CFAP44: variants seen among roughly 807,000 people sequenced by gnomAD.
CFAP44 encodes cilia and flagella associated protein 44.
A neutral mutation model predicts 216.2 loss-of-function variants in CFAP44; 134 were observed. The ratio of observed to expected loss-of-function variants is 0.62; its 90% CI spans 0.54 to 0.72. The LOEUF is 0.72. CFAP44 is among the 30% of genes least tolerant of loss of function. The pLI, the probability that CFAP44 is intolerant of heterozygous loss-of-function variation, is 0.00. For synonymous variants in CFAP44, 700 were observed against 727.6 expected, an observed-to-expected ratio of 0.96 and a Z score of 0.61; for missense variants, 2,035 against 2,182.1, an observed-to-expected ratio of 0.93 and a Z score of 1.34.
chr3:113,356,989 A>C lies in CFAP44; in HGVS notation c.3065+1756T>G, dbSNP rs563339272. Among the ~76,000 whole-genome samples, 9 of 152,342 alleles carry C rather than the reference A, an allele frequency of 5.9e-5. No individual in the cohort carries two copies. The East Asian group carries it at 1.7e-3, about 29-fold the overall frequency. On this transcript the variant is annotated intron_variant, in intron 22 of 34. Coordinates refer to ENST00000393845, the MANE Select transcript of CFAP44 (RefSeq NM_001164496.2). ...ATAAATAACCAAAAATAACTCATGTATATAAATAACCAAAGCTCATATCCA... is the reference window on the plus strand; with the variant it reads ...ATAAATAACCAAAAATAACTCATGTCTATAAATAACCAAAGCTCATATCCA...
chr3:113,309,738 G>C (rs1052545787), intron 28 of CFAP44, among the ~76,000 whole-genome samples: 5 of 152,114 alleles, frequency 3.3e-5, no homozygotes, highest in African/African-American at 1.2e-4. Flanking sequence ...AAAATGGAGA[G>C]AAGAAAGTAG....
rs145698781 is a variant in CFAP44 at position 113,364,068 on chromosome 3, T to C, written c.2716-536A>G. Among the ~76,000 whole-genome samples, 102 of 152,204 alleles carry C rather than the reference T, an allele frequency of 6.7e-4. 2 individuals carry two copies. The East Asian group carries it at 0.014, about 21-fold the overall frequency. On this transcript the variant is annotated intron_variant, in intron 19 of 34. Coordinates refer to ENST00000393845, the MANE Select transcript of CFAP44 (RefSeq NM_001164496.2). ...AATCCCCCTCCTTGAAAGAGAAAGA[T>C]ATGAAATCAGAAATACAAGTCTCCC...
intron 1 of CFAP44, among the ~76,000 whole-genome samples, chr3:113,436,862 A>G (rs1318361049): frequency 1.3e-5 from 2 of 152,242 alleles, no homozygotes; most frequent in Non-Finnish European, 2.9e-5. Flanking sequence ...ATAAATTACC[A>G]GACATTTAGC....
intron 15 of CFAP44, among the ~76,000 whole-genome samples, chr3:113,393,459 G>A (rs2107351229): frequency 1.3e-5 from 2 of 152,074 alleles, no homozygotes; most frequent in South Asian, 4.2e-4. Flanking sequence ...GAAGGGGGTG[G>A]GTTCTTGTTC....
At chr3:113,301,240 A>G (rs753828126) in intron 32 of CFAP44, among the ~76,000 whole-genome samples, 15 of 152,184 alleles carry the variant, frequency 9.9e-5, no homozygotes, top group Admixed American at 4.6e-4. Flanking sequence ...TCAAAAGGCT[A>G]CATATGATGT....
intron 24 of CFAP44, among the ~76,000 whole-genome samples, chr3:113,341,336 A>T (rs910837477): frequency 2.0e-5 from 3 of 151,244 alleles, no homozygotes; most frequent in African/African-American, 7.3e-5. Flanking sequence ...GCACTCCCAT[A>T]TCAATACTGG....
At chr3:113,367,519 A>G (rs1025393760) in intron 18 of CFAP44, among the ~76,000 whole-genome samples, 1 of 152,358 alleles carries the variant, frequency 6.6e-6, no homozygotes, top group African/African-American at 2.4e-5. Flanking sequence ...ACTAACAAAC[A>G]GAAAGGAATA....
At position 113,291,345 on chromosome 3, in the gene CFAP44, T is replaced by C; in HGVS notation, c.*212A>G. 1 of 522,896 alleles carries C rather than the reference T, an allele frequency of 1.9e-6. No individual in the cohort carries two copies. 32.4% of individuals were successfully genotyped at this position (522,896 alleles called of 1,614,324 possible). ...AGTAGGTTCGAAACATCTAAAATGA[T>C]TCAGTTTCATAACAGAGGTTGGGTG... On this transcript the variant is annotated 3_prime_UTR_variant, in exon 35 of 35. Transcript: ENST00000393845.
intron 32 of CFAP44, among the ~76,000 whole-genome samples, chr3:113,298,153 T>C (rs961833363): frequency 6.6e-6 from 1 of 152,204 alleles, no homozygotes; most frequent in Non-Finnish European, 1.5e-5. Context: ...GTTGCCCTCT[T>C]GCATGGCAGC....
chr3:113,432,317 C>T (rs1276404464), intron 2 of CFAP44: 1 of 152,060 alleles, frequency 6.6e-6, no homozygotes, highest in African/African-American at 2.4e-5. Flanking sequence ...TTCTATAAAC[C>T]CAGATATGCA....
At chr3:113,301,944 A>G (rs1949939473) in intron 32 of CFAP44, among the ~76,000 whole-genome samples, 1 of 152,162 alleles carries the variant, frequency 6.6e-6, no homozygotes, top group Admixed American at 6.6e-5. Flanking sequence ...GCCCACAACC[A>G]CAGACCCTGG....
intron 6 of CFAP44, among the ~76,000 whole-genome samples, chr3:113,412,573 T>C (rs1559940991): frequency 6.6e-6 from 1 of 152,140 alleles, no homozygotes; most frequent in Non-Finnish European, 1.5e-5. Flanking sequence ...CCTCTCTGTG[T>C]CCATGTGTTC....
chr3:113,330,412 G>T lies in CFAP44; in HGVS notation c.3872C>A (p.Ser1291Tyr). The T allele has an allele frequency of 6.5e-7, 1 of 1,537,362 alleles. No homozygotes were observed. The highest frequency in any genetic ancestry group is 8.7e-7 in the Non-Finnish European group (1 of 1,146,918). The change falls in exon 26 of 35, where the codon TCC becomes TAC. Residue 1291 changes from serine to tyrosine, a missense_variant. Physicochemically the swap from Ser to Tyr is moderately radical, Grantham distance 144 (BLOSUM62 -2). Transcript: ENST00000393845. ...AGACCCTGTCTGTTCCACTCCGGGG[G>T]ACTTTTCATCTTTACTTTTCATTTG... ...QQQMKSKDEK[S>Y]PGVEQTGSGG...
intron 1 of CFAP44, among the ~76,000 whole-genome samples, chr3:113,435,189 C>T (rs546536292): frequency 1.4e-4 from 22 of 152,226 alleles, no homozygotes; most frequent in African/African-American, 4.3e-4. Context: ...AAGACCCTGT[C>T]TGTATTAGTT....
At chr3:113,326,341 A>G in intron 28 of CFAP44, 104 bp downstream of exon 28, 1 of 1,085,926 alleles carries the variant, frequency 9.2e-7, no homozygotes, top group Non-Finnish European at 1.3e-6. Context: ...TACATTGTCC[A>G]TGTTATAGTG....
At chr3:113,338,255 CAAAAAAAAAAAAAAAAA>C (rs10574877) in intron 24 of CFAP44, among the ~76,000 whole-genome samples, 6 of 43,018 alleles carry the variant, frequency 1.4e-4, no homozygotes, top group Admixed American at 7.9e-4. Flanking sequence ...GACAATGTCT[CAAAAAAAAAAAAAAAAA>C]AAAAAAAAAA....
Position 113,341,744 on chromosome 3 carries a change from A to G in CFAP44, c.3437T>C (p.Leu1146Pro). ...IQQRKKEWEE[L>P]YKSKPGDDYE... ...AGAGTTTAGGTAAAAAAAAACTCAC[A>G]GTTCCTCCCATTCTTTTTTTCGCTG... The change falls in exon 24 of 35, where the codon CTA becomes CCA. Residue 1146 changes from leucine to proline, a missense_variant and splice_region_variant. Leu to Pro is a moderately conservative substitution (Grantham distance 98). This residue lies in a region of CFAP44 where 1,883 missense variants were observed against 2,023.7 expected (regional missense o/e 0.93). Transcript: ENST00000393845. 6.8e-7 allele frequency: 1 copy of G among 1,473,452 alleles called. No individual in the cohort carries two copies. The highest frequency in any genetic ancestry group is 1.4e-5 in the South Asian group (1 of 70,712). 91.3% of individuals were successfully genotyped at this position (1,473,452 alleles called of 1,614,324 possible).
Position 113,401,220 on chromosome 3 carries a change from A to T in CFAP44, c.1374+20T>A. On this transcript the variant is annotated intron_variant, in intron 11 of 34. Coordinates refer to ENST00000393845, the MANE Select transcript of CFAP44 (RefSeq NM_001164496.2). ...TTTACTATGAAAGTTAGGAGAAAATAAGAATAATAGGCAACTTACAATATT... is the reference window on the plus strand; with the variant it reads ...TTTACTATGAAAGTTAGGAGAAAATTAGAATAATAGGCAACTTACAATATT... 6.4e-7 allele frequency: 1 copy of T among 1,569,574 alleles called. No individual in the cohort carries two copies. The highest frequency in any genetic ancestry group is 8.6e-7 in the Non-Finnish European group (1 of 1,162,276).
intron 27 of CFAP44, among the ~76,000 whole-genome samples, chr3:113,327,387 T>C (rs576394486): frequency 6.6e-6 from 1 of 152,192 alleles, no homozygotes; most frequent in East Asian, 1.9e-4. Flanking sequence ...TCTTCTACCT[T>C]ACAGAATATC....
Sources: gnomAD v4.1 joint callset for allele counts (sites outside exome capture counted in the v4.1 genomes callset) on GRCh38, gnomAD v4.1.1 for gene constraint, gnomAD v4.1.1 regional missense constraint, MANE v1.5 for transcripts, NCBI Gene and HGNC (gene_info 2026-07-23, HGNC 2026-07-21) for gene names.